Variants in AKAP12 observed in about 807,000 individuals in gnomAD.
AKAP12 encodes the protein A-kinase anchor protein 12.
A neutral mutation model predicts 79.9 loss-of-function variants in AKAP12; 32 were observed. The ratio of observed to expected loss-of-function variants is 0.40; its 90% CI spans 0.30 to 0.54. The LOEUF is 0.54. Ranked by LOEUF, AKAP12 falls within the 20% of genes least tolerant of loss-of-function variation. AKAP12 has a pLI of 0.48. For synonymous variants in AKAP12, 808 were observed against 857.0 expected, an observed-to-expected ratio of 0.94 and a Z score of 1.00; for missense variants, 2,074 against 2,177.0, an observed-to-expected ratio of 0.95 and a Z score of 0.94.
intron 2 of AKAP12, among the ~76,000 whole-genome samples, chr6:151,294,601 A>C: frequency 6.6e-6 from 1 of 152,220 alleles, no homozygotes; most frequent in East Asian, 1.9e-4. Flanking sequence ...ATCTTCATGC[A>C]GTGAATTGCT....
chr6:151,288,821 G>T (rs967215703), intron 2 of AKAP12, among the ~76,000 whole-genome samples: 1 of 152,190 alleles, frequency 6.6e-6, no homozygotes, highest in African/African-American at 2.4e-5. Flanking sequence ...GGGGAACGAG[G>T]CCTGGTCTGT....
chr6:151,346,442 G>A (rs946406499), intron 3 of AKAP12, among the ~76,000 whole-genome samples: 2 of 152,318 alleles, frequency 1.3e-5, no homozygotes, highest in African/African-American at 4.8e-5. Flanking sequence ...ATCCTTCTGT[G>A]ACATTGACAT....
At chr6:151,267,988 T>A (rs1019111228) in intron 2 of AKAP12, among the ~76,000 whole-genome samples, 2 of 152,220 alleles carry the variant, frequency 1.3e-5, no homozygotes, top group Non-Finnish European at 2.9e-5. Flanking sequence ...CCCTGACTCC[T>A]ATGCATGCTC....
chr6:151,341,605 C>T, intron 3 of AKAP12: 1 of 738,786 alleles, frequency 1.4e-6, no homozygotes, highest in Non-Finnish European at 1.7e-6. Context: ...CCGGCAGGGG[C>T]GCGCTGGGCC....
intron 2 of AKAP12, among the ~76,000 whole-genome samples, chr6:151,301,443 C>G (rs761528123): frequency 6.6e-6 from 1 of 152,140 alleles, no homozygotes; most frequent in Non-Finnish European, 1.5e-5. Flanking sequence ...TTGATTTCCT[C>G]TATTTGAGGT....
At chr6:151,354,426 T>C (rs551921861) in intron 4 of AKAP12, among the ~76,000 whole-genome samples, 125 of 152,172 alleles carry the variant, frequency 8.2e-4, no homozygotes, top group African/African-American at 2.8e-3. Context: ...CAGGCTGGAA[T>C]GCAGTGGCGC....
At chr6:151,258,486 TAACTA>T (rs1229647775) in intron 2 of AKAP12, among the ~76,000 whole-genome samples, 2 of 152,182 alleles carry the variant, frequency 1.3e-5, no homozygotes, top group African/African-American at 2.4e-5. Flanking sequence ...TCTGAGACTG[TAACTA>T]AACTAAACTT....
At chr6:151,287,022 C>G (rs1776519436) in intron 2 of AKAP12, among the ~76,000 whole-genome samples, 2 of 151,112 alleles carry the variant, frequency 1.3e-5, no homozygotes, top group Non-Finnish European at 3.0e-5. Flanking sequence ...CACTGCTCAC[C>G]TCTGCCTCCC....
intron 3 of AKAP12, among the ~76,000 whole-genome samples, chr6:151,323,003 A>G (rs1777435665): frequency 6.6e-6 from 1 of 152,168 alleles, no homozygotes; most frequent in South Asian, 2.1e-4. Flanking sequence ...AAAAACAGAG[A>G]ATGGAAATGA....
rs1211303892 is a variant in AKAP12, at chr6:151,305,869, C to G, written c.285C>G (p.Asn95Lys). 1.2e-6 allele frequency: 2 copies of G among 1,613,042 alleles called. No homozygotes were observed. Among genetic ancestry groups the G allele is most frequent in the Middle Eastern group, 1.6e-4 (1 of 6,084 alleles). ...CCCTGAACGGTCAAGGAGCCCTAAA[C>G]AGCCAGGAGGAAGAAGAAGTCATTG... ...KGALNGQGAL[N>K]SQEEEEVIVT... is the part of the protein sequence containing the mutation. Residue 95 changes from asparagine (N) to lysine (K), a missense_variant, in exon 3 of 5, where the codon AAC becomes AAG. Transcript: ENST00000402676.
chr6:151,261,480 C>T (rs1274891342), intron 2 of AKAP12, among the ~76,000 whole-genome samples: 3 of 151,848 alleles, frequency 2.0e-5, no homozygotes, highest in Admixed American at 1.3e-4. Flanking sequence ...CAACTGAGGT[C>T]GGGAGTTCGA....
At chr6:151,251,349 G>A (rs1797170752) in intron 2 of AKAP12, among the ~76,000 whole-genome samples, 1 of 152,172 alleles carries the variant, frequency 6.6e-6, no homozygotes, top group Non-Finnish European at 1.5e-5. Flanking sequence ...ATAAGGCAGA[G>A]ATAACATCCG....
chr6:151,327,623 T>C (rs1777563394), intron 3 of AKAP12, among the ~76,000 whole-genome samples: 1 of 152,202 alleles, frequency 6.6e-6, no homozygotes, highest in Admixed American at 6.5e-5. Flanking sequence ...GTCTAAAGTT[T>C]TAGCAGTAAT....
intron 3 of AKAP12, chr6:151,341,664 G>A (rs538578154): frequency 1.7e-6 from 2 of 1,152,928 alleles, no homozygotes; most frequent in South Asian, 3.3e-5. Context: ...CGCGCGCCAT[G>A]CCCTGGTGGA....
intron 3 of AKAP12, among the ~76,000 whole-genome samples, chr6:151,332,931 G>A (rs1053666605): frequency 9.2e-5 from 14 of 152,138 alleles, no homozygotes; most frequent in Non-Finnish European, 1.9e-4. Flanking sequence ...GGATAGCAGC[G>A]TGTTTAAAAA....
In AKAP12 at chr6:151,317,993, T is replaced by C. The variant is rs545521824; in HGVS notation, c.319+12090T>C. Among the ~76,000 whole-genome samples the C allele has an allele frequency of 5.9e-5, 9 of 152,356 alleles. No homozygotes were observed. In the South Asian group the frequency reaches 1.9e-3, roughly 32 times the overall value. On this transcript the variant is annotated intron_variant, in intron 3 of 4. Coordinates refer to ENST00000402676, the MANE Select transcript of AKAP12 (RefSeq NM_005100.4). ...TCTCAAGCAGCCTCCTGCCAAGCCC[T>C]GTGACCTCACCGTGTAAGCTTAGCA...
At chr6:151,259,467 C>CGT (rs1309766949) in intron 2 of AKAP12, among the ~76,000 whole-genome samples, 11 of 88,042 alleles carry the variant, frequency 1.2e-4, no homozygotes, top group African/African-American at 5.9e-4. Context: ...CACATATATA[C>CGT]ATGTATATAT....
At chr6:151,251,340 T>G (rs1451306050) in intron 2 of AKAP12, among the ~76,000 whole-genome samples, 1 of 152,158 alleles carries the variant, frequency 6.6e-6, no homozygotes, top group African/African-American at 2.4e-5. Context: ...CCCTCTTGTA[T>G]AAGGCAGAGA....
At chr6:151,343,977 A>T (rs762011950) in intron 3 of AKAP12, 6 of 446,554 alleles carry the variant, frequency 1.3e-5, no homozygotes, top group Admixed American at 1.2e-4. Context: ...TAAAATGTAG[A>T]AGTAGTTTAA....
Sources: gnomAD v4.1 joint callset for allele counts (sites outside exome capture counted in the v4.1 genomes callset) on GRCh38, gnomAD v4.1.1 for gene constraint, MANE v1.5 for transcripts, NCBI Gene and HGNC (gene_info 2026-07-23, HGNC 2026-07-21) for gene names.